IGF2: variants seen among roughly 807,000 people sequenced by gnomAD.
IGF2 encodes the protein insulin like growth factor 2.
In IGF2, 2 loss-of-function variants were observed where a neutral mutation model predicts 12.0. The observed-to-expected ratio is 0.17, with a 90% CI of 0.07 to 0.52. The LOEUF (loss-of-function observed/expected upper bound fraction) is 0.52. Among genes scored for constraint, IGF2 ranks in the 20% least tolerant of loss-of-function variants. The pLI is 0.95. For missense variants in IGF2, 211 were observed against 268.0 expected, an observed-to-expected ratio of 0.79 and a Z score of 1.48; for synonymous variants, 105 against 110.1, an observed-to-expected ratio of 0.95 and a Z score of 0.29.
At chr11:2,137,035 G>A (rs1859112561) in intron 1 of IGF2, among the ~76,000 whole-genome samples, 1 of 152,170 alleles carries the variant, frequency 6.6e-6, no homozygotes, top group South Asian at 2.1e-4. Context: ...GGGGGCAGGG[G>A]CAGAGGAAAA....
chr11:2,130,958 A>G lies in IGF2; in HGVS notation c.*2029T>C. The G allele has an allele frequency of 4.5e-6, 1 of 219,832 alleles. No individual in the cohort carries two copies. The allele number at this position is 219,832 out of a possible 1,614,324, so 13.6% of individuals were successfully genotyped here. A position where few individuals can be genotyped will look rare whatever the true frequency, so the allele number is the denominator to read the frequency against. ...CAGGAGCACACCAGGGAGTCAGGCT[A>G]CTCGTGGGGGCATGTCTGCTCAGCT... On this transcript the variant is annotated 3_prime_UTR_variant, in exon 4 of 4. Transcript: ENST00000416167.
In IGF2 at chr11:2,131,927, T is replaced by G; in HGVS notation, c.*1060A>C. On this transcript the variant is annotated 3_prime_UTR_variant, in exon 4 of 4. Transcript: ENST00000416167. ...TTTGTGTGTGTGCTGTGTGTGCATG[T>G]GTGTGCGTGTGTGTGCCGTGCGTTT... 5.3e-6 allele frequency: 1 copy of G among 188,356 alleles called. No individual in the cohort carries two copies. Among genetic ancestry groups the G allele is most frequent in the South Asian group, 2.1e-4 (1 of 4,834 alleles). The allele number at this position is 188,356 out of a possible 1,614,324, so 11.7% of individuals were successfully genotyped here.
rs770477972 is a variant in IGF2, at chr11:2,130,588, C to CAAAAAAAAA, written c.*2390_*2398dup. On this transcript the variant is annotated 3_prime_UTR_variant, in exon 4 of 4. Coordinates refer to ENST00000416167, the MANE Select transcript of IGF2 (RefSeq NM_000612.6). Reference sequence around the variant, plus strand: ...AAGCTAAGGAGGGGTAAAAAAAAAACAAAAAAAAAAAAAAAAGGAAAAATG... The same window carrying CAAAAAAAAA: ...AAGCTAAGGAGGGGTAAAAAAAAAACAAAAAAAAAAAAAAAAAAAAAAAAAGGAAAAATG... 1.1e-5 allele frequency: 1 copy of CAAAAAAAAA among 92,158 alleles called. No individual in the cohort carries two copies. Among genetic ancestry groups the CAAAAAAAAA allele is most frequent in the Non-Finnish European group, 2.4e-5 (1 of 41,540 alleles). The allele number at this position is 92,158 out of a possible 1,614,324, so 5.7% of individuals were successfully genotyped here.
rs1179421653 is a variant in IGF2, at chr11:2,131,702, CTGTG to C, written c.*1281_*1284del. ...TGTGTGTGCTGTGTTTGTGTGTGTG[CTGTG>C]TGTGCTGTGTTCGTGTGTGCTGTGT... On this transcript the variant is annotated 3_prime_UTR_variant, in exon 4 of 4. Coordinates refer to ENST00000416167, the MANE Select transcript of IGF2 (RefSeq NM_000612.6). 1 of 174,764 alleles carries C rather than the reference CTGTG, an allele frequency of 5.7e-6. No individual in the cohort carries two copies. The highest frequency in any genetic ancestry group is 2.5e-4 in the South Asian group (1 of 4,022). 10.8% of individuals were successfully genotyped at this position (174,764 alleles called of 1,614,324 possible).
At position 2,139,358 on chromosome 11, in the gene IGF2, C is replaced by G. The variant is rs1564899777; in HGVS notation, c.-1136G>C. On this transcript the variant is annotated 5_prime_UTR_variant, in exon 1 of 4. Coordinates refer to ENST00000416167, the MANE Select transcript of IGF2 (RefSeq NM_000612.6). Reference sequence around the variant, plus strand: ...CCGGAAGGGGGGGGCCGGGGCCGGCCGGGCCTCACGCAGCTCCGCCGGAGA... The same window carrying G: ...CCGGAAGGGGGGGGCCGGGGCCGGCGGGGCCTCACGCAGCTCCGCCGGAGA... 1 of 148,192 alleles carries G rather than the reference C, an allele frequency of 6.7e-6. No individual in the cohort carries two copies. The highest frequency in any genetic ancestry group is 1.5e-5 in the Non-Finnish European group (1 of 66,530). The allele number at this position is 148,192 out of a possible 1,614,324, so 9.2% of individuals were successfully genotyped here.
the IGF2 span, chr11:2,147,232 C>G: frequency 4.5e-6 from 1 of 224,132 alleles, no homozygotes; most frequent in African/African-American, 2.3e-5. This position sits in a 1 kb window ranked among gnomAD's most constrained non-coding sequence, Gnocchi z 7.2. Flanking sequence ...CCCTCTCTAC[C>G]CACTTTCTGC....
upstream of IGF2, among the ~76,000 whole-genome samples, chr11:2,141,807 A>G (rs756015801): frequency 3.9e-4 from 60 of 152,218 alleles, no homozygotes; most frequent in Non-Finnish European, 5.9e-4. Flanking sequence ...CTGGAGTGTG[A>G]TCAGTACATT....
rs781563957 is a variant in IGF2, at chr11:2,129,851, G to C, written c.*3136C>G. ...ACCTCCCAGAGGCCGAGTCCCTGCCGCAGCCCTAGGCGCCGCGGTGGTGGC... is the reference window on the plus strand; with the variant it reads ...ACCTCCCAGAGGCCGAGTCCCTGCCCCAGCCCTAGGCGCCGCGGTGGTGGC... On this transcript the variant is annotated 3_prime_UTR_variant, in exon 4 of 4. Coordinates refer to ENST00000416167, the MANE Select transcript of IGF2 (RefSeq NM_000612.6). This position sits in a 1 kb window ranked among gnomAD's most constrained non-coding sequence, Gnocchi z 8.1. 1.3e-5 allele frequency: 3 copies of C among 231,840 alleles called. No homozygotes were observed. The highest frequency in any genetic ancestry group is 4.4e-5 in the African/African-American group (2 of 45,218). The allele number at this position is 231,840 out of a possible 1,614,324, so 14.4% of individuals were successfully genotyped here.
the IGF2 span, chr11:2,146,378 C>T: frequency 2.2e-4 from 116 of 535,310 alleles, 3 homozygotes; most frequent in East Asian, 4.6e-3. Context: ...GAGGCGCTGA[C>T]CTTGCGCTCA....
At chr11:2,149,407 G>C in the IGF2 span, 541 of 1,393,972 alleles carry the variant, frequency 3.9e-4, 1 homozygote, top group Middle Eastern at 7.4e-4. Context: ...AGATGGGAGA[G>C]CCTCATCTCC....
chr11:2,133,734 G>C lies in IGF2; in HGVS notation c.158-69C>G. ...TGACCCCAGCCCCCGGAGGCTGAAG[G>C]GGGAGCAAACCACCCCTGCCCTCAG... On this transcript the variant is annotated intron_variant, in intron 2 of 3. Transcript: ENST00000416167. The surrounding 1 kb of genome is among the most constrained non-coding windows in gnomAD (Gnocchi z 8.9). 3.8e-6 allele frequency: 6 copies of C among 1,579,780 alleles called. No homozygotes were observed. The South Asian group carries it at 6.8e-5, about 18-fold the overall frequency.
rs1858657985 is a variant in IGF2, at chr11:2,132,231, C to A, written c.*756G>T. Reference sequence around the variant, plus strand: ...TTTTGGTTTTCATGCTCTGTCCTCCCCTCCTTTGGTCTTACTGGGTCCCTC... The same window carrying A: ...TTTTGGTTTTCATGCTCTGTCCTCCACTCCTTTGGTCTTACTGGGTCCCTC... On this transcript the variant is annotated 3_prime_UTR_variant, in exon 4 of 4. Coordinates refer to ENST00000416167, the MANE Select transcript of IGF2 (RefSeq NM_000612.6). 9.8e-6 allele frequency: 2 copies of A among 204,586 alleles called. No homozygotes were observed. Among genetic ancestry groups the A allele is most frequent in the South Asian group, 3.8e-4 (2 of 5,288 alleles). 12.7% of individuals were successfully genotyped at this position (204,586 alleles called of 1,614,324 possible).
chr11:2,148,102 G>A, the IGF2 span: 1 of 323,576 alleles, frequency 3.1e-6, no homozygotes, highest in East Asian at 4.8e-5. This position sits in a 1 kb window ranked among gnomAD's most constrained non-coding sequence, Gnocchi z 4.3. Context: ...CCTGGGTGAG[G>A]ATGGGCTTCT....
chr11:2,145,595 G>A (rs914794169), upstream of IGF2, among the ~76,000 whole-genome samples: 1 of 152,196 alleles, frequency 6.6e-6, no homozygotes, highest in Non-Finnish European at 1.5e-5. Flanking sequence ...TCCCCCAGGG[G>A]GCCACCGCTC....
Position 2,132,826 on chromosome 11 carries a change from T to C in IGF2, c.*161A>G. The C allele has an allele frequency of 1.7e-6, 1 of 583,528 alleles. No individual in the cohort carries two copies. Among genetic ancestry groups the C allele is most frequent in the Non-Finnish European group, 3.0e-6 (1 of 330,666 alleles). 36.1% of individuals were successfully genotyped at this position (583,528 alleles called of 1,614,324 possible). ...GCCCGATGGAGGGGGCCGAGGAGAG[T>C]AGCCTGTTTCGGGGAGGCGGGGCAC... is the stretch of plus-strand genomic sequence containing the variant. On this transcript the variant is annotated 3_prime_UTR_variant, in exon 4 of 4. Coordinates refer to ENST00000416167, the MANE Select transcript of IGF2 (RefSeq NM_000612.6).
the IGF2 span, chr11:2,147,865 T>A: frequency 8.5e-7 from 1 of 1,174,628 alleles, no homozygotes; most frequent in African/African-American, 1.6e-5. This position sits in a 1 kb window ranked among gnomAD's most constrained non-coding sequence, Gnocchi z 7.2. Context: ...AAAGCCCCCC[T>A]CCCCATACAC....
rs7873 is a variant in IGF2 at position 2,129,467 on chromosome 11, T to C, written c.*3520A>G. On this transcript the variant is annotated 3_prime_UTR_variant, in exon 4 of 4. Transcript: ENST00000416167. This position sits in a 1 kb window ranked among gnomAD's most constrained non-coding sequence, Gnocchi z 8.1. ...CTGCAAACCTGGGGACGCAAGGGGC[T>C]GGTCGGCAAGTGCCCCCGGGAACAC... is the stretch of plus-strand genomic sequence containing the variant. The C allele has an allele frequency of 0.11, 26,018 of 229,140 alleles. 2,220 individuals are homozygous for C. Among genetic ancestry groups the C allele is most frequent in the African/African-American group, 0.26 (11,707 of 45,106 alleles). The allele number at this position is 229,140 out of a possible 1,614,324, so 14.2% of individuals were successfully genotyped here.
intron 1 of IGF2, 37 bp from the exon 2 acceptor site, chr11:2,135,566 C>G (rs573147454): frequency 6.3e-7 from 1 of 1,586,966 alleles, no homozygotes; most frequent in African/African-American, 1.3e-5. Context: ...GCGGGGCAGC[C>G]AGGCCAAGCC....
Position 2,133,095 on chromosome 11 carries a change from C to T in IGF2, c.435G>A (p.Glu145=). Residue 145 remains glutamate (E), a synonymous_variant, in exon 4 of 4, where the codon GAG becomes GAA. Coordinates refer to ENST00000416167, the MANE Select transcript of IGF2 (RefSeq NM_000612.6). The surrounding 1 kb of genome is among the most constrained non-coding windows in gnomAD (Gnocchi z 8.9). ...RARRGHVLAK[E]LEAFREAKRH... ...GTTTGGCCTCCCTGAACGCCTCGAG[C>T]TCCTTGGCGAGCACGTGACCCCGGC... 6.2e-7 allele frequency: 1 copy of T among 1,607,934 alleles called. No individual in the cohort carries two copies. The highest frequency in any genetic ancestry group is 8.5e-7 in the Non-Finnish European group (1 of 1,176,808).
Sources: gnomAD v4.1 joint callset for allele counts (sites outside exome capture counted in the v4.1 genomes callset) on GRCh38, gnomAD v4.1.1 for gene constraint, Gnocchi (gnomAD v3.1) non-coding constraint, MANE v1.5 for transcripts, NCBI Gene and HGNC (gene_info 2026-07-23, HGNC 2026-07-21) for gene names.